NXPE2: variants seen among roughly 807,000 people sequenced by gnomAD.
The protein encoded by NXPE2 is NXPE family member 2.
A neutral mutation model predicts 34.4 loss-of-function variants in NXPE2; 34 were observed. The ratio of observed to expected loss-of-function variants is 0.99; its 90% CI spans 0.75 to 1.31. The LOEUF (loss-of-function observed/expected upper bound fraction) is 1.31. Ranked by LOEUF, NXPE2 falls within the 40% of genes most tolerant of loss-of-function variation. The probability of loss-of-function intolerance (pLI) is 0.00; values close to 1 mark genes in which losing one functional copy is unlikely to be tolerated. For synonymous variants in NXPE2, 235 were observed against 231.3 expected (o/e 1.02, Z -0.15); for missense variants, 649 against 672.5 (o/e 0.97, Z 0.39).
chr11:114,488,421 G>A, the NXPE2 span, among the ~76,000 whole-genome samples: 3 of 151,666 alleles, frequency 2.0e-5, no homozygotes, highest in African/African-American at 7.3e-5. Flanking sequence ...TGTCAATTTT[G>A]TTTATCTTTT....
At chr11:114,569,356 T>C in the NXPE2 span, among the ~76,000 whole-genome samples, 1 of 152,212 alleles carries the variant, frequency 6.6e-6, no homozygotes, top group Non-Finnish European at 1.5e-5. Context: ...CCTACATGTG[T>C]AGATTATAGG....
At chr11:114,699,857 G>A (rs535637105) in intron 3 of NXPE2, among the ~76,000 whole-genome samples, 3 of 150,132 alleles carry the variant, frequency 2.0e-5, no homozygotes, top group South Asian at 2.1e-4. Flanking sequence ...GCAGTGGTGC[G>A]ATCTCGGCTC....
intron 2 of NXPE2, among the ~76,000 whole-genome samples, chr11:114,692,088 C>T (rs1425269658): frequency 6.6e-6 from 1 of 152,228 alleles, no homozygotes; most frequent in African/African-American, 2.4e-5. Context: ...TCAATTCTGA[C>T]TGTGGGTGCC....
the NXPE2 span, among the ~76,000 whole-genome samples, chr11:114,663,225 G>A: frequency 3.9e-5 from 6 of 152,134 alleles, no homozygotes; most frequent in Admixed American, 3.3e-4. Flanking sequence ...AAGGGGAAGG[G>A]AAAAGAGGGG....
chr11:114,772,024 C>A, the NXPE2 span, among the ~76,000 whole-genome samples: 1 of 152,230 alleles, frequency 6.6e-6, no homozygotes, highest in Non-Finnish European at 1.5e-5. Context: ...ACACAGAAGA[C>A]TGTCCTTTAT....
chr11:114,749,655 A>C, the NXPE2 span, among the ~76,000 whole-genome samples: 1 of 152,084 alleles, frequency 6.6e-6, no homozygotes, highest in Non-Finnish European at 1.5e-5. Context: ...TGACAAAACT[A>C]TCTCTCATTA....
the NXPE2 span, among the ~76,000 whole-genome samples, chr11:114,630,738 C>T: frequency 1.3e-5 from 2 of 151,564 alleles, no homozygotes; most frequent in South Asian, 4.1e-4. Flanking sequence ...GAACAGGCAA[C>T]CTACAAAATG....
chr11:114,728,608 A>G, the NXPE2 span, among the ~76,000 whole-genome samples: 1 of 152,032 alleles, frequency 6.6e-6, no homozygotes, highest in Non-Finnish European at 1.5e-5. Flanking sequence ...TTCTATGTGG[A>G]GCAATTGTTC....
chr11:114,506,493 C>T, the NXPE2 span, among the ~76,000 whole-genome samples: 11 of 152,218 alleles, frequency 7.2e-5, no homozygotes, highest in South Asian at 4.1e-4. Context: ...TAAAACACTC[C>T]TCAGCAAATG....
chr11:114,522,939 A>T, the NXPE2 span: 2 of 1,613,562 alleles, frequency 1.2e-6, no homozygotes, highest in African/African-American at 1.3e-5. Context: ...CCCAGGAGGT[A>T]AATGAGTTTG....
At chr11:114,808,155 GAC>G in the NXPE2 span, among the ~76,000 whole-genome samples, 2 of 152,214 alleles carry the variant, frequency 1.3e-5, no homozygotes, top group Non-Finnish European at 2.9e-5. Context: ...CGAGGACAAA[GAC>G]ACAACATACC....
At chr11:114,540,023 C>T in the NXPE2 span, among the ~76,000 whole-genome samples, 1 of 152,278 alleles carries the variant, frequency 6.6e-6, no homozygotes, top group East Asian at 1.9e-4. Context: ...TATGACCTCA[C>T]ATCAGTAAGT....
At position 114,706,987 on chromosome 11, in the gene NXPE2, C is replaced by A. The variant is rs7123048; in HGVS notation, c.*57C>A. 70 of 1,333,608 alleles carry A rather than the reference C, an allele frequency of 5.2e-5. No individual in the cohort carries two copies. The highest frequency in any genetic ancestry group is 6.7e-5 in the Non-Finnish European group (67 of 996,000). The allele number at this position is 1,333,608 out of a possible 1,614,324, so 82.6% of individuals were successfully genotyped here. Reference sequence around the variant, plus strand: ...TCTATAGATGATCTCACATATACAGCGAAGATAGTTTAATGCAATCCAAGT... The same window carrying A: ...TCTATAGATGATCTCACATATACAGAGAAGATAGTTTAATGCAATCCAAGT... On this transcript the variant is annotated 3_prime_UTR_variant, in exon 6 of 6. Coordinates refer to ENST00000389586, the MANE Select transcript of NXPE2 (RefSeq NM_182495.6).
At chr11:114,709,092 CACA>C (rs2135578918), downstream of NXPE2, among the ~76,000 whole-genome samples, 1 of 152,272 alleles carries the variant, frequency 6.6e-6, no homozygotes, top group East Asian at 1.9e-4. Context: ...CACTGTACAA[CACA>C]GTAGCCATTA....
At chr11:114,580,267 TCCAGACATGCCCACTG>T in the NXPE2 span, 1 of 1,614,038 alleles carries the variant, frequency 6.2e-7, no homozygotes, top group Non-Finnish European at 8.5e-7. Flanking sequence ...CATGTGTTTC[TCCAGACATGCCCACTG>T]GGGATTGTGG....
At chr11:114,530,886 G>A in the NXPE2 span, 3 of 1,611,848 alleles carry the variant, frequency 1.9e-6, no homozygotes, top group Non-Finnish European at 2.5e-6. Flanking sequence ...GACAGAGATG[G>A]ATAAGTTTAG....
the NXPE2 span, among the ~76,000 whole-genome samples, chr11:114,539,898 G>GA: frequency 6.6e-6 from 1 of 151,850 alleles, no homozygotes; most frequent in Admixed American, 6.6e-5. Context: ...TCACTATATT[G>GA]AAAAAAACCC....
At chr11:114,509,953 A>C in the NXPE2 span, among the ~76,000 whole-genome samples, 1 of 152,196 alleles carries the variant, frequency 6.6e-6, no homozygotes, top group South Asian at 2.1e-4. Flanking sequence ...AGAGTCCCTA[A>C]TCCTACCTAC....
chr11:114,568,019 C>T, the NXPE2 span, among the ~76,000 whole-genome samples: 1 of 152,112 alleles, frequency 6.6e-6, no homozygotes, highest in Non-Finnish European at 1.5e-5. Flanking sequence ...TGAAACATCA[C>T]ACAGACATTG....
Sources: gnomAD v4.1 joint callset for allele counts (sites outside exome capture counted in the v4.1 genomes callset) on GRCh38, gnomAD v4.1.1 for gene constraint, MANE v1.5 for transcripts, NCBI Gene and HGNC (gene_info 2026-07-23, HGNC 2026-07-21) for gene names.